The following INPP5A variants were observed in gnomAD, a reference collection of about 807,000 sequenced individuals.
INPP5A encodes 43 kDa inositol polyphosphate 5-phophatase.
Under a neutral mutation model 65.2 loss-of-function variants are expected in INPP5A, and 14 were observed. The observed-to-expected ratio is 0.21, with a 90% CI of 0.14 to 0.34. The LOEUF (loss-of-function observed/expected upper bound fraction) is 0.34. Ranked by LOEUF, INPP5A falls within the 10% of genes least tolerant of loss-of-function variation. INPP5A has a pLI of 1.00. For synonymous variants in INPP5A, 207 were observed against 208.3 expected (o/e 0.99, Z 0.05); for missense variants, 431 against 545.6 (o/e 0.79, Z 2.09).
In INPP5A at chr10:132,659,444, G is replaced by A. The variant is rs1427944007; in HGVS notation, c.306+8939G>A. On this transcript the variant is annotated intron_variant, in intron 4 of 15. Coordinates refer to ENST00000368594, the MANE Select transcript of INPP5A (RefSeq NM_005539.5). The surrounding 1 kb of genome is among the most constrained non-coding windows in gnomAD (Gnocchi z 5.5). ...AGTGCTGGCCATGAGGTCCCTGTGG[G>A]GTGCATCCACGGACGCGGGTCTGGA... Among the ~76,000 whole-genome samples the A allele has an allele frequency of 2.6e-5, 4 of 152,198 alleles. No homozygotes were observed. The highest frequency in any genetic ancestry group is 1.5e-5 in the Non-Finnish European group (1 of 68,034).
chr10:132,608,183 T>C (rs981956880), intron 2 of INPP5A, among the ~76,000 whole-genome samples: 3 of 152,200 alleles, frequency 2.0e-5, no homozygotes, highest in Admixed American at 6.5e-5. Flanking sequence ...TCGGGCTCAC[T>C]GTTCACATTC....
Position 132,690,500 on chromosome 10 carries a change from C to T in INPP5A, c.370+45C>T, listed in dbSNP as rs375039301. 175 of 1,428,288 alleles carry T rather than the reference C, an allele frequency of 1.2e-4. No individual in the cohort carries two copies. In the African/African-American group the frequency reaches 2.3e-3, roughly 19 times the overall value. 88.5% of individuals were successfully genotyped at this position (1,428,288 alleles called of 1,614,324 possible). On this transcript the variant is annotated intron_variant, in intron 5 of 15. Coordinates refer to ENST00000368594, the MANE Select transcript of INPP5A (RefSeq NM_005539.5). ...TCCGGGATTTTGTCTCGGCACTCACCCCTCCTGGTGTCTGGCTTCCCCAGA... is the reference window on the plus strand; with the variant it reads ...TCCGGGATTTTGTCTCGGCACTCACTCCTCCTGGTGTCTGGCTTCCCCAGA...
chr10:132,691,478 C>T (rs1209645579), intron 5 of INPP5A, among the ~76,000 whole-genome samples: 2 of 152,244 alleles, frequency 1.3e-5, no homozygotes, highest in Non-Finnish European at 2.9e-5. Flanking sequence ...GCGTGTGCTG[C>T]AGGAAGCTGG....
intron 2 of INPP5A, among the ~76,000 whole-genome samples, chr10:132,642,216 G>T (rs936160346): frequency 3.3e-5 from 5 of 152,218 alleles, no homozygotes; most frequent in African/African-American, 1.2e-4. Flanking sequence ...GAGGCCTGGG[G>T]CGTGGGAGTG....
intron 4 of INPP5A, among the ~76,000 whole-genome samples, chr10:132,680,480 G>C (rs1037875474): frequency 6.6e-6 from 1 of 152,240 alleles, no homozygotes; most frequent in Non-Finnish European, 1.5e-5. Context: ...AGAAGATAGT[G>C]AGAGGTGACA....
chr10:132,545,940 T>C lies in INPP5A; in HGVS notation c.75+7769T>C, dbSNP rs989556429. On this transcript the variant is annotated intron_variant, in intron 1 of 15. Transcript: ENST00000368594. This position sits in a 1 kb window ranked among gnomAD's most constrained non-coding sequence, Gnocchi z 4.6. ...ATGAGAGTGTGGATGGCACCTGCAC[T>C]GTGTCCACTCTTTAGGCTCTAATGT... Among the ~76,000 whole-genome samples the C allele has an allele frequency of 2.6e-5, 4 of 152,246 alleles. No individual in the cohort carries two copies. The highest frequency in any genetic ancestry group is 9.6e-5 in the African/African-American group (4 of 41,468).
chr10:132,743,808 G>A (rs188483298), intron 9 of INPP5A, among the ~76,000 whole-genome samples: 175 of 152,294 alleles, frequency 1.1e-3, no homozygotes, highest in African/African-American at 3.9e-3. Context: ...GGACTGGGGT[G>A]CACACGTGTG....
intron 1 of INPP5A, among the ~76,000 whole-genome samples, chr10:132,602,292 G>A (rs1161389240): frequency 2.0e-5 from 3 of 152,042 alleles, no homozygotes; most frequent in African/African-American, 2.4e-5. Flanking sequence ...ATCCTGCCAC[G>A]TTGCTGAATT....
chr10:132,753,251 C>G lies in INPP5A; in HGVS notation c.903+3406C>G, dbSNP rs571602991. On this transcript the variant is annotated intron_variant, in intron 11 of 15. Coordinates refer to ENST00000368594, the MANE Select transcript of INPP5A (RefSeq NM_005539.5). The surrounding 1 kb of genome is among the most constrained non-coding windows in gnomAD (Gnocchi z 5.3). ...CCCATCGACGGAGGGTCAAGGTGGT[C>G]GGACGGGGAGCCTGGGGAGATAATC... 3.3e-5 allele frequency among the ~76,000 whole-genome samples: 5 copies of G among 152,112 alleles called. No individual in the cohort carries two copies. The highest frequency in any genetic ancestry group is 4.8e-5 in the African/African-American group (2 of 41,432).
chr10:132,652,038 C>T (rs1211415645), intron 4 of INPP5A, among the ~76,000 whole-genome samples: 9 of 151,944 alleles, frequency 5.9e-5, no homozygotes, highest in African/African-American at 1.9e-4. Flanking sequence ...CCCCCTTGGT[C>T]CCTCCTCCCT....
At position 132,705,231 on chromosome 10, in the gene INPP5A, G is replaced by A. The variant is rs1048775512; in HGVS notation, c.475-3082G>A. Reference sequence around the variant, plus strand: ...CAGGAAATGAACACAGAGGCTCCCCGGGGCAAATGGCCTCCCCGAGAGAGG... The same window carrying A: ...CAGGAAATGAACACAGAGGCTCCCCAGGGCAAATGGCCTCCCCGAGAGAGG... On this transcript the variant is annotated intron_variant, in intron 6 of 15. Transcript: ENST00000368594. The surrounding 1 kb of genome is among the most constrained non-coding windows in gnomAD (Gnocchi z 4.9). Among the ~76,000 whole-genome samples, 4 of 152,196 alleles carry A rather than the reference G, an allele frequency of 2.6e-5. No homozygotes were observed. The highest frequency in any genetic ancestry group is 2.1e-4 in the South Asian group (1 of 4,830).
intron 1 of INPP5A, 60 bp from the exon 2 acceptor site, chr10:132,607,855 G>A: frequency 6.6e-7 from 1 of 1,511,416 alleles, no homozygotes; most frequent in Non-Finnish European, 9.1e-7. Flanking sequence ...GCTTGTCCTG[G>A]CTCTGTTTAG....
intron 9 of INPP5A, among the ~76,000 whole-genome samples, chr10:132,731,249 C>T (rs1846079640): frequency 6.6e-6 from 1 of 152,154 alleles, no homozygotes; most frequent in Non-Finnish European, 1.5e-5. Flanking sequence ...TCCCGCATAT[C>T]AGGCACCCCT....
intron 12 of INPP5A, among the ~76,000 whole-genome samples, chr10:132,769,800 T>TCCC (rs538823373): frequency 2.9e-5 from 3 of 104,958 alleles, no homozygotes; most frequent in African/African-American, 1.1e-4. Flanking sequence ...ACCCCGTAGC[T>TCCC]CCCCCCCCCC....
At chr10:132,615,994 C>G (rs1590870430) in intron 2 of INPP5A, among the ~76,000 whole-genome samples, 1 of 152,132 alleles carries the variant, frequency 6.6e-6, no homozygotes, top group Non-Finnish European at 1.5e-5. Flanking sequence ...CAGGGGCCTC[C>G]CCTCTTAGTG....
chr10:132,682,461 TGAA>T (rs2133458963), intron 4 of INPP5A, among the ~76,000 whole-genome samples: 1 of 152,370 alleles, frequency 6.6e-6, no homozygotes, highest in African/African-American at 2.4e-5. Flanking sequence ...GCTAGTATAA[TGAA>T]GATGCAAATT....
At chr10:132,752,531 T>C (rs1251220027) in intron 11 of INPP5A, among the ~76,000 whole-genome samples, 5 of 81,074 alleles carry the variant, frequency 6.2e-5, no homozygotes, top group South Asian at 4.9e-4. Context: ...GGAGGAGGTG[T>C]GGCGTGGAGG....
intron 1 of INPP5A, among the ~76,000 whole-genome samples, chr10:132,569,983 A>T (rs1455327342): frequency 2.3e-5 from 3 of 130,904 alleles, no homozygotes; most frequent in Non-Finnish European, 4.8e-5. Context: ...CATTTTTAGT[A>T]GAGATGGGGT....
At chr10:132,540,372 T>A (rs2133238075) in intron 1 of INPP5A, among the ~76,000 whole-genome samples, 1 of 152,382 alleles carries the variant, frequency 6.6e-6, no homozygotes, top group South Asian at 2.1e-4. Context: ...TATGTGGAAT[T>A]TTGCATTATG....
Sources: allele counts gnomAD v4.1 joint callset (sites outside exome capture counted in the v4.1 genomes callset), GRCh38; gene constraint gnomAD v4.1.1; non-coding constraint Gnocchi (gnomAD v3.1); transcripts MANE v1.5; gene names NCBI Gene and HGNC (gene_info 2026-07-23, HGNC 2026-07-21).